KCNQ5: variants seen among roughly 807,000 people sequenced by gnomAD.
KCNQ5 encodes potassium voltage-gated channel subfamily KQT member 5.
Under a neutral mutation model 98.2 loss-of-function variants are expected in KCNQ5, and 30 were observed. The observed-to-expected ratio is 0.31, with a 90% confidence interval of 0.23 to 0.41. The LOEUF is 0.41. KCNQ5 is among the 10% of genes least tolerant of loss of function. KCNQ5 has a pLI of 1.00. For synonymous variants in KCNQ5, 458 were observed against 449.4 expected, an observed-to-expected ratio of 1.02 and a Z score of -0.24; for missense variants, 835 against 1,182.5, an observed-to-expected ratio of 0.71 and a Z score of 4.31.
At chr6:72,915,111 G>A (rs1313542314) in intron 1 of KCNQ5, among the ~76,000 whole-genome samples, 2 of 152,134 alleles carry the variant, frequency 1.3e-5, no homozygotes, top group African/African-American at 2.4e-5. Flanking sequence ...GTCAAGAGAA[G>A]AGATGCCAAA....
intron 11 of KCNQ5, among the ~76,000 whole-genome samples, chr6:73,172,362 C>CAAAAAT (rs140148151): frequency 0.052 from 7,866 of 151,788 alleles, 238 homozygotes; most frequent in Middle Eastern, 0.083. Context: ...GACTCTGTCT[C>CAAAAAT]AAAAATAAAA....
chr6:73,159,774 G>A (rs554845240), intron 10 of KCNQ5, among the ~76,000 whole-genome samples: 1 of 152,260 alleles, frequency 6.6e-6, no homozygotes, highest in East Asian at 1.9e-4. Context: ...ATTCAGATAA[G>A]TTCCTTATAC....
At chr6:73,081,954 C>T (rs928071016) in intron 5 of KCNQ5, among the ~76,000 whole-genome samples, 1 of 152,214 alleles carries the variant, frequency 6.6e-6, no homozygotes, top group Non-Finnish European at 1.5e-5. Flanking sequence ...ATTTTCCTAA[C>T]ATAATTACAA....
intron 9 of KCNQ5, among the ~76,000 whole-genome samples, chr6:73,124,972 TATATATATACACAC>T (rs1227305490): frequency 0.38 from 12,188 of 32,048 alleles, 1,356 homozygotes; most frequent in Middle Eastern, 0.49. Flanking sequence ...TATATATATA[TATATATATACACAC>T]ACACACATAT....
At chr6:72,987,175 T>TAG (rs1768822492) in intron 1 of KCNQ5, 2 of 652,776 alleles carry the variant, frequency 3.1e-6, no homozygotes, top group African/African-American at 3.8e-5. Context: ...TCCAAGAAGG[T>TAG]AGAGCAGCCA....
At chr6:73,124,332 CATTT>C (rs1775861529) in intron 8 of KCNQ5, among the ~76,000 whole-genome samples, 150 bp from the exon 9 acceptor site, 1 of 152,148 alleles carries the variant, frequency 6.6e-6, no homozygotes, top group Non-Finnish European at 1.5e-5. Context: ...AAGTTGAGTA[CATTT>C]ATTATAAAGA....
chr6:73,162,648 TAAGA>T (rs1175028182), intron 10 of KCNQ5, among the ~76,000 whole-genome samples: 1 of 152,136 alleles, frequency 6.6e-6, no homozygotes, highest in East Asian at 1.9e-4. Flanking sequence ...CTAGGAGTAA[TAAGA>T]AAGACATTTA....
At chr6:73,082,940 C>T (rs1773839025) in intron 5 of KCNQ5, among the ~76,000 whole-genome samples, 2 of 137,886 alleles carry the variant, frequency 1.5e-5, no homozygotes, top group Admixed American at 8.0e-5. Context: ...ACATAGGTTG[C>T]AGTGCATTGG....
chr6:73,019,912 G>A (rs1770513929), intron 2 of KCNQ5, among the ~76,000 whole-genome samples: 1 of 152,082 alleles, frequency 6.6e-6, no homozygotes. Flanking sequence ...GGATCATTCT[G>A]TCTTTTCCTA....
intron 1 of KCNQ5, among the ~76,000 whole-genome samples, chr6:72,894,708 A>G (rs911494226): frequency 1.7e-4 from 26 of 152,210 alleles, no homozygotes; most frequent in African/African-American, 6.3e-4. Flanking sequence ...AACATTATTC[A>G]TATAAAATTA....
chr6:73,176,867 G>A (rs996285165), intron 11 of KCNQ5, among the ~76,000 whole-genome samples: 6 of 152,166 alleles, frequency 3.9e-5, no homozygotes, highest in African/African-American at 1.4e-4. Flanking sequence ...GAGCAGTCTG[G>A]AATATGGACA....
chr6:73,025,013 A>G (rs1351215598), intron 2 of KCNQ5, among the ~76,000 whole-genome samples: 1 of 152,222 alleles, frequency 6.6e-6, no homozygotes, highest in African/African-American at 2.4e-5. Flanking sequence ...GAAGATAGGT[A>G]TTATGTCCCT....
intron 1 of KCNQ5, among the ~76,000 whole-genome samples, chr6:72,988,412 A>G (rs868327406): frequency 1.8e-4 from 28 of 152,166 alleles, no homozygotes; most frequent in African/African-American, 6.8e-4. Flanking sequence ...GAACAAAAAA[A>G]CAAATACCAG....
At chr6:73,105,165 G>C in intron 5 of KCNQ5, 92 bp from the exon 6 acceptor site, 2 of 611,920 alleles carry the variant, frequency 3.3e-6, no homozygotes, top group Non-Finnish European at 5.8e-6. Flanking sequence ...GTTGAATAAT[G>C]ATTTAGTGGA....
intron 11 of KCNQ5, among the ~76,000 whole-genome samples, chr6:73,178,423 C>T (rs2882404): frequency 0.36 from 53,349 of 148,204 alleles, 10,698 homozygotes; most frequent in East Asian, 0.56. Flanking sequence ...CCCATCTCTA[C>T]AAACATTAAA....
intron 10 of KCNQ5, among the ~76,000 whole-genome samples, chr6:73,148,452 A>G (rs576513984): frequency 6.6e-6 from 1 of 152,228 alleles, no homozygotes; most frequent in Admixed American, 6.5e-5. Context: ...AATGTTGCTA[A>G]TTAGCAAGCC....
chr6:72,695,335 C>A (rs947566342), intron 1 of KCNQ5, among the ~76,000 whole-genome samples: 1 of 152,114 alleles, frequency 6.6e-6, no homozygotes. Context: ...ATTTTTATTT[C>A]TATTTTTTCT....
rs9360606 is a variant in KCNQ5, at chr6:72,855,895, G to T, written c.399-148013G>T. Reference sequence around the variant, plus strand: ...GTCAGTATATCTGAATTTATCTTAAGACTTAATTAACCAAGAAGTTGAATA... The same window carrying T: ...GTCAGTATATCTGAATTTATCTTAATACTTAATTAACCAAGAAGTTGAATA... On this transcript the variant is annotated intron_variant, in intron 1 of 13. Transcript: ENST00000370398. Among the ~76,000 whole-genome samples, 49 of 152,260 alleles carry T rather than the reference G, an allele frequency of 3.2e-4. No individual in the cohort carries two copies. In the East Asian group the frequency reaches 7.1e-3, roughly 22 times the overall value.
chr6:72,937,955 T>G (rs945908896), intron 1 of KCNQ5, among the ~76,000 whole-genome samples: 2 of 152,172 alleles, frequency 1.3e-5, no homozygotes, highest in African/African-American at 4.8e-5. Flanking sequence ...TAACTTACAA[T>G]TGGGAAATGT....
Sources: gnomAD v4.1 joint callset for allele counts (sites outside exome capture counted in the v4.1 genomes callset) on GRCh38, gnomAD v4.1.1 for gene constraint, MANE v1.5 for transcripts, NCBI Gene and HGNC (gene_info 2026-07-23, HGNC 2026-07-21) for gene names.